ELMO1: variants seen among roughly 807,000 people sequenced by gnomAD.
ELMO1 encodes the protein engulfment and cell motility protein 1.
A neutral mutation model predicts 98.9 loss-of-function variants in ELMO1; 26 were observed. The ratio of observed to expected loss-of-function variants is 0.26; its 90% CI spans 0.19 to 0.36. ELMO1 has a LOEUF of 0.36. Among genes scored for constraint, ELMO1 ranks in the 10% least tolerant of loss-of-function variants. The pLI, the probability that ELMO1 is intolerant of heterozygous loss-of-function variation, is 1.00. For missense variants in ELMO1, 627 were observed against 935.2 expected, an observed-to-expected ratio of 0.67 and a Z score of 4.30; for synonymous variants, 346 against 346.0, an observed-to-expected ratio of 1.00 and a Z score of 0.00.
chr7:37,351,534 C>T (rs1209294628), intron 1 of ELMO1, among the ~76,000 whole-genome samples: 4 of 152,188 alleles, frequency 2.6e-5, no homozygotes, highest in Non-Finnish European at 5.9e-5. Context: ...GGAAAACATT[C>T]AAAAGGGAAC....
At chr7:37,250,791 CAA>C (rs574487076) in intron 6 of ELMO1, among the ~76,000 whole-genome samples, 11 of 64,812 alleles carry the variant, frequency 1.7e-4, no homozygotes, top group Non-Finnish European at 1.6e-4. Context: ...GACTCCGTCT[CAA>C]AAAAAAAAAA....
At position 37,444,574 on chromosome 7, in the gene ELMO1, G is replaced by A. The variant is rs145918962; in HGVS notation, c.-74+4101C>T. On this transcript the variant is annotated intron_variant, in intron 1 of 21. Coordinates refer to ENST00000310758, the MANE Select transcript of ELMO1 (RefSeq NM_014800.11). ...GTCGCCCAGGCTGGAGTGCAGTGGC[G>A]CAATCTCAGCTCACTGTAAGCTCTG... Among the ~76,000 whole-genome samples, 42 of 152,066 alleles carry A rather than the reference G, an allele frequency of 2.8e-4. No homozygotes were observed. The East Asian group carries it at 5.0e-3, about 18-fold the overall frequency.
intron 14 of ELMO1, among the ~76,000 whole-genome samples, chr7:37,100,784 G>C (rs915008498): frequency 1.3e-5 from 2 of 152,236 alleles, no homozygotes; most frequent in African/African-American, 2.4e-5. Context: ...GTGTGTGTGA[G>C]GTGGTACTGT....
At chr7:37,315,868 C>T (rs1583529022) in intron 3 of ELMO1, 52 bp downstream of exon 3, 1 of 1,447,532 alleles carries the variant, frequency 6.9e-7, no homozygotes, top group Non-Finnish European at 9.5e-7. Flanking sequence ...ATATTATTTG[C>T]TTGTCAATTT....
At position 37,205,941 on chromosome 7, in the gene ELMO1, A is replaced by G. The variant is rs112510564; in HGVS notation, c.1086+5445T>C. On this transcript the variant is annotated intron_variant, in intron 13 of 21. Transcript: ENST00000310758. ...TTCCCTCACTCCAAAAGGCAACTCT[A>G]CTTCCCTCTCTGCAACATAAACATT... Among the ~76,000 whole-genome samples, 4 of 152,220 alleles carry G rather than the reference A, an allele frequency of 2.6e-5. 1 individual carries two copies. The highest frequency in any genetic ancestry group is 9.6e-5 in the African/African-American group (4 of 41,536).
chr7:37,436,575 C>G (rs1008221006), intron 1 of ELMO1, among the ~76,000 whole-genome samples: 18 of 152,220 alleles, frequency 1.2e-4, no homozygotes, highest in African/African-American at 4.3e-4. Context: ...ATGAAGGTTT[C>G]TCTCTTTTCA....
chr7:37,374,345 T>C (rs1305839587), intron 1 of ELMO1, among the ~76,000 whole-genome samples: 1 of 152,188 alleles, frequency 6.6e-6, no homozygotes, highest in Non-Finnish European at 1.5e-5. Flanking sequence ...CATTTCTCCA[T>C]GTTGTCCGAG....
At chr7:37,388,739 G>T (rs1480463251) in intron 1 of ELMO1, among the ~76,000 whole-genome samples, 1 of 152,020 alleles carries the variant, frequency 6.6e-6, no homozygotes, top group Non-Finnish European at 1.5e-5. Flanking sequence ...GGAGATAGAG[G>T]TTACAGTGAA....
chr7:37,413,243 T>C (rs974554250), intron 1 of ELMO1, among the ~76,000 whole-genome samples: 1 of 152,100 alleles, frequency 6.6e-6, no homozygotes, highest in Non-Finnish European at 1.5e-5. Context: ...ACACAAGACT[T>C]TCCTCATCTC....
chr7:37,359,518 G>A (rs1011042870), intron 1 of ELMO1, among the ~76,000 whole-genome samples: 1 of 152,180 alleles, frequency 6.6e-6, no homozygotes, highest in Non-Finnish European at 1.5e-5. Flanking sequence ...ATTAAAGAGT[G>A]TACATAGATT....
chr7:37,105,187 C>T (rs1314144699), intron 14 of ELMO1, among the ~76,000 whole-genome samples: 7 of 152,202 alleles, frequency 4.6e-5, no homozygotes, highest in Non-Finnish European at 8.8e-5. Context: ...TGCCGAAAGG[C>T]CCTCCCTTTG....
Position 37,211,500 on chromosome 7 carries a change from T to C in ELMO1, c.972A>G (p.Ile324Met), listed in dbSNP as rs879142842. 6.2e-7 allele frequency: 1 copy of C among 1,613,966 alleles called. No homozygotes were observed. Among genetic ancestry groups the C allele is most frequent in the South Asian group, 1.1e-5 (1 of 91,062 alleles). The change falls in exon 13 of 22, where the codon ATA becomes ATG. Residue 324 changes from isoleucine (I) to methionine (M), a missense_variant. By Grantham distance (10) the Ile-to-Met change is conservative. Around this residue, in one of 3 missense-constraint regions of ELMO1, gnomAD observed 492 missense variants for 715.6 expected, o/e 0.69. Transcript: ENST00000310758. Reference protein sequence around the residue: ...DPQDQAQRDIIFELRRIAFDA... With the variant: ...DPQDQAQRDIMFELRRIAFDA... ...CAAAAGCAATTCTTCGAAGTTCAAA[T>C]ATGATGTCCCTCTGAGCCTGAAGGA...
At chr7:37,034,281 T>C (rs1181739109) in intron 15 of ELMO1, among the ~76,000 whole-genome samples, 2 of 152,114 alleles carry the variant, frequency 1.3e-5, no homozygotes, top group Non-Finnish European at 2.9e-5. Context: ...AATACAGACA[T>C]GAACAGAGGG....
At chr7:37,101,467 T>C (rs1784637659) in intron 14 of ELMO1, among the ~76,000 whole-genome samples, 1 of 152,192 alleles carries the variant, frequency 6.6e-6, no homozygotes, top group Non-Finnish European at 1.5e-5. Flanking sequence ...TTCTCTTTTA[T>C]ACTATGGTCT....
intron 7 of ELMO1, among the ~76,000 whole-genome samples, chr7:37,241,187 G>A (rs1411220820): frequency 6.6e-6 from 1 of 151,472 alleles, no homozygotes; most frequent in Non-Finnish European, 1.5e-5. Context: ...AAATTTTTAG[G>A]TGCATACACA....
intron 13 of ELMO1, among the ~76,000 whole-genome samples, chr7:37,202,057 C>T (rs1158060689): frequency 6.6e-6 from 1 of 152,210 alleles, no homozygotes; most frequent in Non-Finnish European, 1.5e-5. Context: ...CTGGCTAGGA[C>T]TGGCAGAGCT....
At chr7:37,116,957 T>C in intron 14 of ELMO1, 1 of 212,658 alleles carries the variant, frequency 4.7e-6, no homozygotes, top group South Asian at 8.8e-5. Flanking sequence ...TGATGGAGGA[T>C]ATTTGGAGAG....
intron 1 of ELMO1, among the ~76,000 whole-genome samples, chr7:37,343,912 C>T (rs1800852945): frequency 6.6e-6 from 1 of 152,182 alleles, no homozygotes; most frequent in African/African-American, 2.4e-5. Flanking sequence ...TATCTGCGTT[C>T]ACTTCTTATA....
At chr7:36,904,242 G>T (rs1783795434) in intron 16 of ELMO1, among the ~76,000 whole-genome samples, 1 of 152,240 alleles carries the variant, frequency 6.6e-6, no homozygotes, top group South Asian at 2.1e-4. Flanking sequence ...AGGACAGGCT[G>T]TGATGAAAGT....
Sources: allele counts gnomAD v4.1 joint callset (sites outside exome capture counted in the v4.1 genomes callset), GRCh38; gene constraint gnomAD v4.1.1; regional missense constraint gnomAD v4.1.1; transcripts MANE v1.5; gene names NCBI Gene and HGNC (gene_info 2026-07-23, HGNC 2026-07-21).